Variants in PTCH2 observed in about 807,000 individuals in gnomAD.
The protein encoded by PTCH2 is protein patched homolog 2.
Under a neutral mutation model 117.9 loss-of-function variants are expected in PTCH2, and 96 were observed. The ratio of observed to expected loss-of-function variants is 0.81; its 90% CI spans 0.69 to 0.96. The LOEUF is 0.96. Among genes scored for constraint, PTCH2 ranks in the 50% least tolerant of loss-of-function variants. The pLI is 0.00. For missense variants in PTCH2, 1,379 were observed against 1,562.5 expected, an observed-to-expected ratio of 0.88 and a Z score of 1.98; for synonymous variants, 615 against 660.9, an observed-to-expected ratio of 0.93 and a Z score of 1.06.
rs1454339215 is a variant in PTCH2 at position 44,822,426 on chromosome 1, C to G, written c.3601G>C (p.Ala1201Pro). The G allele has an allele frequency of 2.5e-6, 4 of 1,613,672 alleles. No homozygotes were observed. Among genetic ancestry groups the G allele is most frequent in the Non-Finnish European group, 3.4e-6 (4 of 1,180,040 alleles). ...GNLSSRGPGPATG is the reference protein window; with the variant it reads ...GNLSSRGPGPPTG ...CTTCAGCTGCTCTTTCACCCAGTGGCTGGACCTGGTCCCCTGGAACTGAGG... is the reference window on the plus strand; with the variant it reads ...CTTCAGCTGCTCTTTCACCCAGTGGGTGGACCTGGTCCCCTGGAACTGAGG... Residue 1201 changes from alanine to proline, a missense_variant, in exon 22 of 22, where the codon GCC becomes CCC. Ala to Pro is a conservative substitution (Grantham distance 27, BLOSUM62 -1). Transcript: ENST00000372192.
At position 44,823,257 on chromosome 1, in the gene PTCH2, A is replaced by C; in HGVS notation, c.3243T>G (p.Phe1081Leu). 1.2e-6 allele frequency: 2 copies of C among 1,614,216 alleles called. No individual in the cohort carries two copies. The highest frequency in any genetic ancestry group is 1.7e-6 in the Non-Finnish European group (2 of 1,180,028). ...GCCCTCCCTACCTTACAATGAAGTC[A>C]AAGTGGGAACCAGCAAGCATGAGCA... is the stretch of plus-strand genomic sequence containing the variant. ...LGLLMLAGSH[F>L]DFIVRYFFAA... The change falls in exon 20 of 22, where the codon TTT becomes TTG. Residue 1081 changes from phenylalanine to leucine, a missense_variant. Coordinates refer to ENST00000372192, the MANE Select transcript of PTCH2 (RefSeq NM_003738.5). The surrounding 1 kb of genome is among the most constrained non-coding windows in gnomAD (Gnocchi z 5.1).
intron 2 of PTCH2, among the ~76,000 whole-genome samples, chr1:44,836,414 C>T (rs937939910): frequency 6.6e-6 from 1 of 152,070 alleles, no homozygotes; most frequent in Non-Finnish European, 1.5e-5. Context: ...GAGTTCAAGA[C>T]CAGCCTGGGG....
At chr1:44,821,567 C>T (rs141425982), downstream of PTCH2, among the ~76,000 whole-genome samples, 2 of 152,296 alleles carry the variant, frequency 1.3e-5, no homozygotes, top group Non-Finnish European at 2.9e-5. Flanking sequence ...CATGGCTTTG[C>T]CCCTCTGCCT....
At position 44,831,809 on chromosome 1, in the gene PTCH2, A is replaced by C. The variant is rs2148879812; in HGVS notation, c.526-12T>G. The C allele has an allele frequency of 6.2e-7, 1 of 1,610,448 alleles. No individual in the cohort carries two copies. Among genetic ancestry groups the C allele is most frequent in the East Asian group, 2.2e-5 (1 of 44,772 alleles). The stretch of plus-strand genomic sequence containing the variant: ...AGCTTCTCAATCATCTGCCAGGGAT[A>C]CCCCGGGCCACGTCAGTCCTGCCCC... On this transcript the variant is annotated splice_polypyrimidine_tract_variant and intron_variant, in intron 4 of 21. Coordinates refer to ENST00000372192, the MANE Select transcript of PTCH2 (RefSeq NM_003738.5). The surrounding 1 kb of genome is among the most constrained non-coding windows in gnomAD (Gnocchi z 4.3).
rs1241026238 is a variant in PTCH2 at position 44,828,981 on chromosome 1, C to A, written c.1464+1G>T. The A allele has an allele frequency of 2.6e-6, 4 of 1,554,946 alleles. No homozygotes were observed. Among genetic ancestry groups the A allele is most frequent in the Non-Finnish European group, 3.5e-6 (4 of 1,148,894 alleles). ...ATGAGCCCTGGGGGACAAGGCCCCA[C>A]CTGGAGAGGGGTGCCAGGCAGAGCC... On this transcript the variant is annotated splice_donor_variant, in intron 11 of 21. Transcript: ENST00000372192. LOFTEE classifies it high-confidence loss of function.
At chr1:44,832,832 C>T (rs1183537809) in intron 2 of PTCH2, among the ~76,000 whole-genome samples, 1 of 152,046 alleles carries the variant, frequency 6.6e-6, no homozygotes, top group African/African-American at 2.4e-5. Context: ...GTTCAGGTTG[C>T]TCTGGGCAGT....
chr1:44,826,138 G>A lies in PTCH2; in HGVS notation c.3114+112C>T, dbSNP rs575608839. The A allele has an allele frequency of 5.1e-5, 73 of 1,421,718 alleles. No homozygotes were observed. The Middle Eastern group carries it at 7.3e-4, about 14-fold the overall frequency. 88.1% of individuals were successfully genotyped at this position (1,421,718 alleles called of 1,614,324 possible). A position where few individuals can be genotyped will look rare whatever the true frequency, so the allele number is the denominator to read the frequency against. ...TGGGATTACAGGAATGAGCTACCACGTCCACCCAGCCCAAATTCTTAAATA... is the reference window on the plus strand; with the variant it reads ...TGGGATTACAGGAATGAGCTACCACATCCACCCAGCCCAAATTCTTAAATA... On this transcript the variant is annotated intron_variant, in intron 19 of 21. Coordinates refer to ENST00000372192, the MANE Select transcript of PTCH2 (RefSeq NM_003738.5). The surrounding 1 kb of genome is among the most constrained non-coding windows in gnomAD (Gnocchi z 5.1).
Position 44,829,942 on chromosome 1 carries a change from C to T in PTCH2, c.902G>A (p.Gly301Asp), listed in dbSNP as rs1380464613. 5 of 1,614,152 alleles carry T rather than the reference C, an allele frequency of 3.1e-6. No homozygotes were observed. Among genetic ancestry groups the T allele is most frequent in the African/African-American group, 2.7e-5 (2 of 75,064 alleles). Reference sequence around the variant, plus strand: ...CTCTCCTTGGGGGTCTCTGGCCATGCCTCCCAGCAGCAATTCCTCCTGCCA... The same window carrying T: ...CTCTCCTTGGGGGTCTCTGGCCATGTCTCCCAGCAGCAATTCCTCCTGCCA... ...MHWQEELLLG[G>D]MARDPQGELL... The change falls in exon 7 of 22, where the codon GGC becomes GAC. Residue 301 changes from glycine (G) to aspartate (D), a missense_variant. Gly to Asp is a moderately conservative substitution (Grantham distance 94). Transcript: ENST00000372192.
At chr1:44,838,857 C>A (rs895709872) in intron 2 of PTCH2, among the ~76,000 whole-genome samples, 2 of 151,852 alleles carry the variant, frequency 1.3e-5, no homozygotes, top group Middle Eastern at 3.2e-3. Flanking sequence ...GTAGCTGGGA[C>A]TACAGGCGCG....
downstream of PTCH2, chr1:44,820,045 A>G (rs113960979): frequency 1.4e-4 from 26 of 187,862 alleles, no homozygotes; most frequent in South Asian, 6.5e-4. Flanking sequence ...AACACTTAAC[A>G]CACTTATGGT....
chr1:44,831,760 G>C lies in PTCH2; in HGVS notation c.563C>G (p.Pro188Arg), dbSNP rs372784104. The C allele has an allele frequency of 1.6e-5, 25 of 1,588,164 alleles. No individual in the cohort carries two copies. Among genetic ancestry groups the C allele is most frequent in the South Asian group, 2.3e-5 (2 of 88,108 alleles). Residue 188 changes from proline to arginine, a missense_variant, in exon 5 of 22, where the codon CCC becomes CGC. Coordinates refer to ENST00000372192, the MANE Select transcript of PTCH2 (RefSeq NM_003738.5). This position sits in a 1 kb window ranked among gnomAD's most constrained non-coding sequence, Gnocchi z 4.3. ...EKLFPCVILT[P>R]LDCFWEGAKL... ...GGCTCCCTCCCAGAAGCAGTCGAGG[G>C]GGGTGAGGATCACGCACGGAAACAG...
At chr1:44,833,438 C>CTTTTT (rs779956039) in intron 2 of PTCH2, among the ~76,000 whole-genome samples, 1 of 136,452 alleles carries the variant, frequency 7.3e-6, no homozygotes, top group Non-Finnish European at 1.6e-5. Context: ...ATCTCTTTTC[C>CTTTTT]TTTTTTTTTT....
chr1:44,829,825 G>A (rs2148878219), intron 7 of PTCH2, 64 bp from the exon 8 acceptor site: 2 of 1,614,022 alleles, frequency 1.2e-6, no homozygotes, highest in East Asian at 4.5e-5. Context: ...GGGATGTGAA[G>A]GGCCTTTTGC....
chr1:44,820,729 T>G (rs773535130), downstream of PTCH2: 1 of 718,126 alleles, frequency 1.4e-6, no homozygotes, highest in South Asian at 1.5e-5. Context: ...ATGAGGAGGC[T>G]TAGTGAGGCT....
chr1:44,821,109 G>A (rs1174206756), downstream of PTCH2, among the ~76,000 whole-genome samples: 1 of 152,118 alleles, frequency 6.6e-6, no homozygotes, highest in South Asian at 2.1e-4. Context: ...ATCATTCCTG[G>A]TGAGTGGGTG....
At position 44,842,045 on chromosome 1, in the gene PTCH2, A is replaced by G; in HGVS notation, c.73-6T>C. The G allele has an allele frequency of 6.2e-7, 1 of 1,609,572 alleles. No individual in the cohort carries two copies. Among genetic ancestry groups the G allele is most frequent in the East Asian group, 2.2e-5 (1 of 44,868 alleles). On this transcript the variant is annotated splice_region_variant and splice_polypyrimidine_tract_variant and intron_variant, in intron 1 of 21. Transcript: ENST00000372192. Reference sequence around the variant, plus strand: ...TTCAGGCTCCCAGCTAGGATCTGGGATGGAAAGAGAAGGGTCAGCCAGGCA... The same window carrying G: ...TTCAGGCTCCCAGCTAGGATCTGGGGTGGAAAGAGAAGGGTCAGCCAGGCA...
chr1:44,833,430 C>A (rs1392726307), intron 2 of PTCH2, among the ~76,000 whole-genome samples: 1 of 149,906 alleles, frequency 6.7e-6, no homozygotes, highest in Non-Finnish European at 1.5e-5. Flanking sequence ...GTTTCCCAAT[C>A]TCTTTTCCTT....
chr1:44,834,215 G>A (rs1653586252), intron 2 of PTCH2, among the ~76,000 whole-genome samples: 1 of 151,612 alleles, frequency 6.6e-6, no homozygotes. Flanking sequence ...TGCCTCCCGG[G>A]TTCAAGCGAT....
downstream of PTCH2, chr1:44,821,660 C>G (rs1652918174): frequency 1.6e-6 from 1 of 638,304 alleles, no homozygotes; most frequent in South Asian, 7.0e-5. Context: ...GCTCTGAAAG[C>G]CACACAGTGG....
Sources: gnomAD v4.1 joint callset for allele counts (sites outside exome capture counted in the v4.1 genomes callset) on GRCh38, gnomAD v4.1.1 for gene constraint, Gnocchi (gnomAD v3.1) non-coding constraint, MANE v1.5 for transcripts, NCBI Gene and HGNC (gene_info 2026-07-23, HGNC 2026-07-21) for gene names.